CFAP20DC: variants seen among roughly 807,000 people sequenced by gnomAD.
The protein encoded by CFAP20DC is protein CFAP20DC.
In CFAP20DC, 84 loss-of-function variants were observed where a neutral mutation model predicts 101.7. The observed-to-expected ratio is 0.83, with a 90% CI of 0.69 to 0.99. The LOEUF (loss-of-function observed/expected upper bound fraction) is 0.99, where lower values mean the gene tolerates loss of function less well. Among genes scored for constraint, CFAP20DC ranks in the 50% least tolerant of loss-of-function variants. CFAP20DC has a pLI of 0.00. For synonymous variants in CFAP20DC, 359 were observed against 351.2 expected, an observed-to-expected ratio of 1.02 and a Z score of -0.25; for missense variants, 1,007 against 970.3, an observed-to-expected ratio of 1.04 and a Z score of -0.50.
chr3:58,960,359 G>T (rs1170678442), intron 4 of CFAP20DC, among the ~76,000 whole-genome samples: 1 of 151,884 alleles, frequency 6.6e-6, no homozygotes, highest in African/African-American at 2.4e-5. Context: ...GGGCGTGGTG[G>T]TGCATGCCTG....
At chr3:58,854,539 G>A (rs1289518483) in intron 12 of CFAP20DC, among the ~76,000 whole-genome samples, 1 of 152,168 alleles carries the variant, frequency 6.6e-6, no homozygotes, top group Admixed American at 6.5e-5. Flanking sequence ...TCAATCCTGA[G>A]CCAAAAGAAC....
chr3:58,755,268 A>T (rs2068858137), intron 15 of CFAP20DC, among the ~76,000 whole-genome samples: 1 of 152,152 alleles, frequency 6.6e-6, no homozygotes, highest in African/African-American at 2.4e-5. Flanking sequence ...TGAATTTCAT[A>T]ATAACACATT....
chr3:58,789,712 G>A (rs2072689329), intron 15 of CFAP20DC, among the ~76,000 whole-genome samples: 1 of 152,034 alleles, frequency 6.6e-6, no homozygotes, highest in Non-Finnish European at 1.5e-5. Flanking sequence ...GGTGATAAAT[G>A]GATTTTTGAA....
At chr3:58,855,785 T>G (rs1208212314) in intron 12 of CFAP20DC, among the ~76,000 whole-genome samples, 1 of 132,204 alleles carries the variant, frequency 7.6e-6, no homozygotes, top group Non-Finnish European at 1.5e-5. Context: ...AAATGAACAA[T>G]GAGAACACAT....
intron 14 of CFAP20DC, among the ~76,000 whole-genome samples, chr3:58,830,463 A>G (rs1048489032): frequency 5.9e-5 from 9 of 152,208 alleles, no homozygotes; most frequent in African/African-American, 2.2e-4. Flanking sequence ...AGCCGTAAGG[A>G]GTAAACTAGA....
chr3:58,760,054 C>T (rs1043937775), intron 15 of CFAP20DC, among the ~76,000 whole-genome samples: 3 of 152,012 alleles, frequency 2.0e-5, no homozygotes, highest in East Asian at 3.9e-4. Context: ...TAAAGTAGTT[C>T]TTTCCAATTC....
chr3:58,754,630 G>T (rs74400818), intron 15 of CFAP20DC, among the ~76,000 whole-genome samples: 12,633 of 152,104 alleles, frequency 0.083, 901 homozygotes, highest in East Asian at 0.35. Context: ...ATTAGTGCCC[G>T]TTATCATTTA....
rs2080636796 is a variant in CFAP20DC, at chr3:58,875,191, A to G, written c.716-4882T>C. The stretch of plus-strand genomic sequence containing the variant: ...TGCAGTCAGATGCTATTTGGATTAC[A>G]CATGAAATTTCCTAGTGTCACCAAA... On this transcript the variant is annotated intron_variant, in intron 7 of 16. Transcript: ENST00000482387. Among the ~76,000 whole-genome samples, 4 of 152,334 alleles carry G rather than the reference A, an allele frequency of 2.6e-5. No individual in the cohort carries two copies. The South Asian group carries it at 8.3e-4, about 32-fold the overall frequency.
At position 58,966,976 on chromosome 3, in the gene CFAP20DC, T is replaced by C. The variant is rs556499065; in HGVS notation, c.279-29214A>G. ...ATGATCTACAGATTTAATCTATCCC[T>C]ATCAGAATCCGAGCTGACTTCTTTG... On this transcript the variant is annotated intron_variant, in intron 4 of 16. Transcript: ENST00000482387. 1.3e-4 allele frequency among the ~76,000 whole-genome samples: 20 copies of C among 152,314 alleles called. 1 individual carries two copies. In the South Asian group the frequency reaches 4.1e-3, roughly 32 times the overall value.
At chr3:58,805,413 G>A (rs535644716) in intron 15 of CFAP20DC, among the ~76,000 whole-genome samples, 51 of 152,134 alleles carry the variant, frequency 3.4e-4, no homozygotes, top group Non-Finnish European at 4.1e-4. Context: ...ATACAGCCCC[G>A]TATCTTACTT....
At chr3:58,809,674 C>A (rs1270780449) in intron 14 of CFAP20DC, among the ~76,000 whole-genome samples, 2 of 152,106 alleles carry the variant, frequency 1.3e-5, no homozygotes, top group Non-Finnish European at 2.9e-5. Flanking sequence ...CATACGAAAG[C>A]TAGCAGAAGG....
At position 58,724,738 on chromosome 3, in the gene CFAP20DC, C is replaced by T. The variant is rs540699050; in HGVS notation, c.198-7110G>A. Among the ~76,000 whole-genome samples, 1 of 152,180 alleles carries T rather than the reference C, an allele frequency of 6.6e-6. No individual in the cohort carries two copies. The highest frequency in any genetic ancestry group is 2.4e-5 in the African/African-American group (1 of 41,442). ...CTCCATTTTGCAACTGGCCCCCTGG[C>T]TCCCACCTTTATGAACTCTTAACCT... On this transcript the variant is annotated intron_variant, in intron 3 of 3. Coordinates refer to the CFAP20DC transcript ENST00000486145. This position sits in a 1 kb window ranked among gnomAD's most constrained non-coding sequence, Gnocchi z 5.6.
At chr3:58,797,133 CGT>C (rs2073317788) in intron 15 of CFAP20DC, among the ~76,000 whole-genome samples, 2 of 152,222 alleles carry the variant, frequency 1.3e-5, no homozygotes, top group Admixed American at 1.3e-4. Flanking sequence ...GGAAGAGTCA[CGT>C]GTCTCTCACT....
chr3:58,885,802 G>A lies in CFAP20DC; in HGVS notation c.551-1093C>T, dbSNP rs550296980. Among the ~76,000 whole-genome samples, 4 of 151,734 alleles carry A rather than the reference G, an allele frequency of 2.6e-5. 1 individual carries two copies. The South Asian group carries it at 8.3e-4, about 32-fold the overall frequency. On this transcript the variant is annotated intron_variant, in intron 6 of 16. Transcript: ENST00000482387. ...ATGACAGGATTTCATTCTTTTTTAT[G>A]GCTGAATAGTATTCCATGGTGTTTG...
intron 4 of CFAP20DC, among the ~76,000 whole-genome samples, chr3:58,999,521 C>T (rs1161746232): frequency 6.6e-6 from 1 of 152,106 alleles, no homozygotes; most frequent in African/African-American, 2.4e-5. Context: ...AAGACTCAAG[C>T]CTGGGACAAC....
At position 58,899,068 on chromosome 3, in the gene CFAP20DC, C is replaced by T. The variant is rs1389636688; in HGVS notation, c.551-14359G>A. On this transcript the variant is annotated intron_variant, in intron 6 of 16. Transcript: ENST00000482387. This position sits in a 1 kb window ranked among gnomAD's most constrained non-coding sequence, Gnocchi z 5.0. ...GTCAGCCTGTTCTTTCCTCTGGAATCTCCATCCCAGGGGGGTACTGACCTG... is the reference window on the plus strand; with the variant it reads ...GTCAGCCTGTTCTTTCCTCTGGAATTTCCATCCCAGGGGGGTACTGACCTG... 6.6e-6 allele frequency among the ~76,000 whole-genome samples: 1 copy of T among 152,212 alleles called. No individual in the cohort carries two copies. Among genetic ancestry groups the T allele is most frequent in the South Asian group, 2.1e-4 (1 of 4,832 alleles).
At chr3:58,988,432 C>T (rs2092823346) in intron 4 of CFAP20DC, among the ~76,000 whole-genome samples, 1 of 152,134 alleles carries the variant, frequency 6.6e-6, no homozygotes, top group African/African-American at 2.4e-5. Context: ...CATGGGGCAG[C>T]AGGAGGTTCT....
chr3:58,908,189 T>A (rs560262661), intron 6 of CFAP20DC, among the ~76,000 whole-genome samples: 4 of 152,292 alleles, frequency 2.6e-5, no homozygotes, highest in African/African-American at 9.6e-5. Flanking sequence ...AGGCAAGTAT[T>A]TTCAAGCCTT....
chr3:59,023,888 T>C (rs546852747), intron 4 of CFAP20DC, among the ~76,000 whole-genome samples: 175 of 152,244 alleles, frequency 1.1e-3, no homozygotes, highest in Admixed American at 2.8e-3. Flanking sequence ...TTCAACCTTA[T>C]GAGGGAGCAA....
Sources: gnomAD v4.1 joint callset for allele counts (sites outside exome capture counted in the v4.1 genomes callset) on GRCh38, gnomAD v4.1.1 for gene constraint, Gnocchi (gnomAD v3.1) non-coding constraint, MANE v1.5 for transcripts, NCBI Gene and HGNC (gene_info 2026-07-23, HGNC 2026-07-21) for gene names.